SYMPK: variants seen among roughly 807,000 people sequenced by gnomAD.
SYMPK encodes the protein symplekin scaffold protein.
Under a neutral mutation model 136.4 loss-of-function variants are expected in SYMPK, and 49 were observed. The ratio of observed to expected loss-of-function variants is 0.36; its 90% confidence interval spans 0.29 to 0.46. SYMPK has a LOEUF of 0.46. SYMPK is among the 20% of genes least tolerant of loss of function. The pLI is 1.00. For synonymous variants in SYMPK, 766 were observed against 713.0 expected (o/e 1.07, Z -1.19); for missense variants, 1,365 against 1,690.0 (o/e 0.81, Z 3.37).
At chr19:45,856,875 G>T (rs1971833802) in intron 1 of SYMPK, among the ~76,000 whole-genome samples, 1 of 152,094 alleles carries the variant, frequency 6.6e-6, no homozygotes, top group African/African-American at 2.4e-5. Flanking sequence ...CCAGCACCTT[G>T]GGAGGCTGAG....
chr19:45,857,434 A>AC (rs1568628293), intron 1 of SYMPK, among the ~76,000 whole-genome samples: 1 of 142,738 alleles, frequency 7.0e-6, no homozygotes. Context: ...AAAAAAAAAA[A>AC]CACACACTAA....
intron 1 of SYMPK, chr19:45,862,104 T>C (rs1272505536): frequency 6.6e-6 from 1 of 152,042 alleles, no homozygotes; most frequent in African/African-American, 2.4e-5. Flanking sequence ...TCCCTTAATA[T>C]ATGTTGGAGG....
At chr19:45,848,954 AAGGGAAATCAGGGACCTGTCTCAGGGG>A (rs1600525701) in intron 5 of SYMPK, 78 bp from the exon 6 acceptor site, 2 of 1,558,934 alleles carry the variant, frequency 1.3e-6, no homozygotes, top group East Asian at 4.5e-5. Context: ...TCCAGGAGGG[AAGGGAAATCAGGGACCTGTCTCAGGGG>A]ACCGGAATGG....
At chr19:45,824,160 C>A (rs1237404906) in intron 18 of SYMPK, 4 of 370,510 alleles carry the variant, frequency 1.1e-5, no homozygotes, top group Non-Finnish European at 2.0e-5. Flanking sequence ...ACCTCGAATG[C>A]CCACCCTGTG....
Position 45,821,541 on chromosome 19 carries a change from GA to G in SYMPK, c.2792-57del. On this transcript the variant is annotated intron_variant, in intron 21 of 26. Coordinates refer to ENST00000245934, the MANE Select transcript of SYMPK (RefSeq NM_004819.3). The surrounding 1 kb of genome is among the most constrained non-coding windows in gnomAD (Gnocchi z 4.4). ...GACAGTGCGGACGCATAAGTGAAGA[GA>G]TGGGTCTGAGTTCCCCAGATCGGGG... 1 of 1,245,338 alleles carries G rather than the reference GA, an allele frequency of 8.0e-7. No individual in the cohort carries two copies. The highest frequency in any genetic ancestry group is 1.2e-5 in the South Asian group (1 of 81,330). 77.1% of individuals were successfully genotyped at this position (1,245,338 alleles called of 1,614,324 possible).
rs1252227693 is a variant in SYMPK, at chr19:45,815,863, G to T, written c.3675C>A (p.Gly1225=). 5.6e-6 allele frequency: 9 copies of T among 1,611,940 alleles called. 1 individual carries two copies. Among genetic ancestry groups the T allele is most frequent in the Non-Finnish European group, 7.6e-6 (9 of 1,179,760 alleles). Residue 1225 remains glycine, a synonymous_variant, in exon 26 of 27, where the codon GGC becomes GGA. Coordinates refer to ENST00000245934, the MANE Select transcript of SYMPK (RefSeq NM_004819.3). ...CTGCTCTCCCTACCTTGGGTAGGGG[G>T]CCCTCGAGACTAGAGTCCAACAGCG... ...EAALLDSSLE[G]PLPKETAAGG... is the part of the protein sequence containing the mutation.
Position 45,815,656 on chromosome 19 carries a change from G to T in SYMPK, c.3729C>A (p.Ser1243Arg). Residue 1243 changes from serine to arginine, a missense_variant, in exon 27 of 27, where the codon AGC (serine) becomes AGA (arginine). Ser to Arg is a moderately radical substitution (Grantham distance 110, BLOSUM62 -1). Around this residue, in one of 11 missense-constraint regions of SYMPK, gnomAD observed 341 missense variants for 270.5 expected, o/e 1.26. Transcript: ENST00000245934. ...CTCCAACAGGTGCGAGGGTCTGGGG[G>T]CTCCGCTCCTCCTTCAAGGTCAGCC... ...AGGLTLKEERSPQTLAPVGED... is the reference protein window; with the variant it reads ...AGGLTLKEERRPQTLAPVGED... 1 of 1,610,626 alleles carries T rather than the reference G, an allele frequency of 6.2e-7. No individual in the cohort carries two copies. The highest frequency in any genetic ancestry group is 8.5e-7 in the Non-Finnish European group (1 of 1,179,076).
At position 45,839,376 on chromosome 19, in the gene SYMPK, T is replaced by C. The variant is rs549406043; in HGVS notation, c.1088-761A>G. On this transcript the variant is annotated intron_variant, in intron 9 of 26. Coordinates refer to ENST00000245934, the MANE Select transcript of SYMPK (RefSeq NM_004819.3). ...GACAGTACAAGAGGAGTCTAGAACA[T>C]CTTGTCATGCTAGTAAGTAAGTGAA... Among the ~76,000 whole-genome samples, 3 of 152,302 alleles carry C rather than the reference T, an allele frequency of 2.0e-5. No homozygotes were observed. The East Asian group carries it at 5.8e-4, about 29-fold the overall frequency.
rs971826099 is a variant in SYMPK, at chr19:45,853,299, G to A, written c.172-764C>T. 4.6e-5 allele frequency among the ~76,000 whole-genome samples: 7 copies of A among 152,156 alleles called. No homozygotes were observed. The South Asian group carries it at 6.2e-4, about 14-fold the overall frequency. ...ATGCCCAGCCCAAGTGTCCCATGTC[G>A]TCTTCTGCCTTTGCACACACTTCTG... On this transcript the variant is annotated intron_variant, in intron 3 of 26. Coordinates refer to ENST00000245934, the MANE Select transcript of SYMPK (RefSeq NM_004819.3).
chr19:45,830,040 T>C lies in SYMPK; in HGVS notation c.1749+14A>G, dbSNP rs1273638702. 6.5e-7 allele frequency: 1 copy of C among 1,531,760 alleles called. No individual in the cohort carries two copies. The highest frequency in any genetic ancestry group is 8.8e-7 in the Non-Finnish European group (1 of 1,131,872). The allele number at this position is 1,531,760 out of a possible 1,614,324, so 94.9% of individuals were successfully genotyped here. A position where few individuals can be genotyped will look rare whatever the true frequency, so the allele number is the denominator to read the frequency against. Reference sequence around the variant, plus strand: ...GGGACTGGAAGGATGGGGTGGGGGGTGGCAGGCGCACACCTGGGCTGCCCC... The same window carrying C: ...GGGACTGGAAGGATGGGGTGGGGGGCGGCAGGCGCACACCTGGGCTGCCCC... On this transcript the variant is annotated intron_variant, in intron 13 of 26. Transcript: ENST00000245934.
At chr19:45,839,954 G>A (rs574786345) in intron 9 of SYMPK, among the ~76,000 whole-genome samples, 9 of 152,252 alleles carry the variant, frequency 5.9e-5, no homozygotes, top group African/African-American at 2.2e-4. Flanking sequence ...AGATAAAAAT[G>A]GCACTTGACA....
At chr19:45,820,996 T>C (rs1208797322) in intron 22 of SYMPK, 6 of 591,826 alleles carry the variant, frequency 1.0e-5, no homozygotes, top group Admixed American at 9.5e-5. Flanking sequence ...GGCCCACAAG[T>C]GCCCTGGAGC....
chr19:45,852,743 CTT>C (rs1043568365), intron 3 of SYMPK, among the ~76,000 whole-genome samples: 3 of 152,140 alleles, frequency 2.0e-5, no homozygotes, highest in Non-Finnish European at 2.9e-5. Context: ...AAATGAGACT[CTT>C]AAACATCAAC....
chr19:45,825,126 C>G (rs1439252009), intron 18 of SYMPK, 45 bp downstream of exon 18: 1 of 1,590,168 alleles, frequency 6.3e-7, no homozygotes, highest in East Asian at 2.2e-5. Context: ...GGGGACACAG[C>G]CTTGCCCGTG....
intron 3 of SYMPK, among the ~76,000 whole-genome samples, chr19:45,853,967 G>A (rs1971755188): frequency 6.6e-6 from 1 of 152,224 alleles, no homozygotes; most frequent in African/African-American, 2.4e-5. Flanking sequence ...CCCGGGGTCT[G>A]CTTCTTTCTG....
intron 10 of SYMPK, among the ~76,000 whole-genome samples, chr19:45,835,592 A>C (rs1222371703): frequency 1.3e-5 from 2 of 152,092 alleles, no homozygotes; most frequent in Admixed American, 6.6e-5. Context: ...GAAGGCTAAG[A>C]AGCAGCAGAG....
At chr19:45,822,658 G>A (rs544889386) in intron 21 of SYMPK, 98 bp downstream of exon 21, 14 of 943,466 alleles carry the variant, frequency 1.5e-5, no homozygotes, top group African/African-American at 1.6e-5. Context: ...GGAGCAGGAT[G>A]TGCCCTCTCT....
intron 23 of SYMPK, 45 bp downstream of exon 23, chr19:45,817,914 G>C (rs1272495217): frequency 3.3e-6 from 5 of 1,509,500 alleles, no homozygotes; most frequent in Admixed American, 2.0e-5. Flanking sequence ...CAGGCTAGAA[G>C]CTGCTGTCTG....
At chr19:45,860,704 C>T (rs756798041) in intron 1 of SYMPK, among the ~76,000 whole-genome samples, 2 of 152,058 alleles carry the variant, frequency 1.3e-5, no homozygotes, top group African/African-American at 2.4e-5. Flanking sequence ...AGTGCAGTGC[C>T]GCAATCTCAG....
Sources: allele counts gnomAD v4.1 joint callset (sites outside exome capture counted in the v4.1 genomes callset), GRCh38; gene constraint gnomAD v4.1.1; regional missense constraint gnomAD v4.1.1; non-coding constraint Gnocchi (gnomAD v3.1); transcripts MANE v1.5; gene names NCBI Gene and HGNC (gene_info 2026-07-23, HGNC 2026-07-21).